MFN1: variants seen among roughly 807,000 people sequenced by gnomAD.
MFN1 encodes the protein mitofusin-1.
Under a neutral mutation model 92.4 loss-of-function variants are expected in MFN1, and 65 were observed. The ratio of observed to expected loss-of-function variants is 0.70; its 90% CI spans 0.58 to 0.86. The LOEUF (loss-of-function observed/expected upper bound fraction) is 0.86. Ranked by LOEUF, MFN1 falls within the 40% of genes least tolerant of loss-of-function variation. The pLI is 0.00. For synonymous variants in MFN1, 297 were observed against 300.9 expected (o/e 0.99, Z 0.13); for missense variants, 781 against 868.0 (o/e 0.90, Z 1.26).
chr3:179,382,974 TG>T lies in MFN1; in HGVS notation c.1663-2594del, dbSNP rs780612657. Among the ~76,000 whole-genome samples the T allele has an allele frequency of 3.9e-5, 6 of 152,246 alleles. No homozygotes were observed. The South Asian group carries it at 6.2e-4, about 16-fold the overall frequency. Reference sequence around the variant, plus strand: ...CTGTAGATTCTCGATATTACCCCTTTGTCAGATGAGTAGATTGCAAAAATTT... The same window carrying T: ...CTGTAGATTCTCGATATTACCCCTTTTCAGATGAGTAGATTGCAAAAATTT... On this transcript the variant is annotated intron_variant, in intron 14 of 17. Coordinates refer to ENST00000471841, the MANE Select transcript of MFN1 (RefSeq NM_033540.3).
At chr3:179,390,912 T>C (rs544226617) in intron 17 of MFN1, among the ~76,000 whole-genome samples, 1 of 152,290 alleles carries the variant, frequency 6.6e-6, no homozygotes, top group Non-Finnish European at 1.5e-5. Flanking sequence ...AAAACATCCA[T>C]AGTAGTGATT....
intron 5 of MFN1, 54 bp from the exon 6 acceptor site, chr3:179,364,243 A>C (rs1712694032): frequency 8.0e-7 from 1 of 1,251,898 alleles, no homozygotes; most frequent in South Asian, 1.7e-5. Flanking sequence ...AAATTCTGTA[A>C]CCCAAATTTT....
intron 16 of MFN1, 127 bp downstream of exon 16, chr3:179,386,756 A>G (rs535104820): frequency 2.7e-4 from 228 of 845,958 alleles, no homozygotes; most frequent in African/African-American, 3.8e-4. Context: ...CGTGATGGCC[A>G]TAAATGAGAA....
intron 2 of MFN1, among the ~76,000 whole-genome samples, chr3:179,349,511 T>TG (rs1712056033): frequency 7.1e-6 from 1 of 141,166 alleles, no homozygotes; most frequent in African/African-American, 2.7e-5. Context: ...AGGGAATACT[T>TG]CTTTTTTTTT....
In MFN1 at chr3:179,377,397, A is replaced by G; in HGVS notation, c.1278A>G (p.Glu426=). 1.9e-6 allele frequency: 3 copies of G among 1,609,788 alleles called. No homozygotes were observed. The highest frequency in any genetic ancestry group is 2.5e-6 in the Non-Finnish European group (3 of 1,178,316). Residue 426 remains glutamate, a synonymous_variant, in exon 12 of 18, where the codon GAA becomes GAG. Coordinates refer to ENST00000471841, the MANE Select transcript of MFN1 (RefSeq NM_033540.3). ...GTCGACTGTCTGTTTTGGTTGATGA[A>G]TTTTGTTCAGAGTTTCATCCTAATC... ...EICRLSVLVD[E]FCSEFHPNPD...
At chr3:179,382,500 T>A in intron 14 of MFN1, among the ~76,000 whole-genome samples, 1 of 152,242 alleles carries the variant, frequency 6.6e-6, no homozygotes, top group African/African-American at 2.4e-5. Flanking sequence ...GTTCCAAGTC[T>A]TTGCTATTAT....
chr3:179,392,143 T>A lies in MFN1; in HGVS notation c.*84T>A. 2 of 881,292 alleles carry A rather than the reference T, an allele frequency of 2.3e-6. No individual in the cohort carries two copies. Among genetic ancestry groups the A allele is most frequent in the South Asian group, 1.5e-5 (1 of 65,714 alleles). 54.6% of individuals were successfully genotyped at this position (881,292 alleles called of 1,614,324 possible). A position where few individuals can be genotyped will look rare whatever the true frequency, so the allele number is the denominator to read the frequency against. ...AGTTGTTATTTTTATGAAATTACTT[T>A]AAATATGAATTGTACTAACTGTACC... On this transcript the variant is annotated 3_prime_UTR_variant, in exon 18 of 18. Transcript: ENST00000471841.
intron 14 of MFN1, among the ~76,000 whole-genome samples, chr3:179,383,739 T>G (rs1463151310): frequency 1.3e-5 from 2 of 152,160 alleles, no homozygotes; most frequent in Non-Finnish European, 2.9e-5. Flanking sequence ...CATTCACAAT[T>G]GCTTCGAAGA....
intron 15 of MFN1, among the ~76,000 whole-genome samples, 164 bp downstream of exon 15, chr3:179,385,885 A>G (rs113363367): frequency 2.6e-5 from 4 of 152,338 alleles, no homozygotes; most frequent in African/African-American, 9.6e-5. Context: ...CACAAGTTTC[A>G]TCTTAAATTT....
intron 14 of MFN1, among the ~76,000 whole-genome samples, chr3:179,382,292 A>T (rs915342226): frequency 2.6e-5 from 4 of 152,006 alleles, no homozygotes; most frequent in African/African-American, 9.7e-5. Context: ...TCATTGTTCA[A>T]TTCCCACCTA....
At chr3:179,361,405 G>A (rs1481389232) in intron 4 of MFN1, among the ~76,000 whole-genome samples, 4 of 152,146 alleles carry the variant, frequency 2.6e-5, no homozygotes, top group African/African-American at 4.8e-5. Context: ...AACTGAGCCC[G>A]TCACCCAAAT....
intron 3 of MFN1, 88 bp downstream of exon 3, chr3:179,352,123 C>G: frequency 7.3e-7 from 1 of 1,360,830 alleles, no homozygotes; most frequent in Non-Finnish European, 9.9e-7. Context: ...TCCCATCCTC[C>G]CCCAGCCCCG....
rs756781560 is a variant in MFN1 at position 179,351,916 on chromosome 3, G to A, written c.129G>A (p.Pro43=). 6.9e-6 allele frequency: 11 copies of A among 1,601,964 alleles called. No homozygotes were observed. Among genetic ancestry groups the A allele is most frequent in the South Asian group, 4.5e-5 (4 of 89,114 alleles). Residue 43 remains proline (P), a synonymous_variant, in exon 3 of 18, where the codon CCG becomes CCA. Coordinates refer to ENST00000471841, the MANE Select transcript of MFN1 (RefSeq NM_033540.3). ...SHFVEATYKN[P]ELDRIATEDD... ...ATTTTGCAGCAACATATAAGAATCCGGAACTTGATCGAATAGCCACTGAAG... is the reference window on the plus strand; with the variant it reads ...ATTTTGCAGCAACATATAAGAATCCAGAACTTGATCGAATAGCCACTGAAG...
At chr3:179,359,261 C>T (rs1418146031) in intron 4 of MFN1, among the ~76,000 whole-genome samples, 4 of 151,950 alleles carry the variant, frequency 2.6e-5, no homozygotes, top group African/African-American at 9.7e-5. Context: ...GCTGGGACTA[C>T]AGGCGTGCGC....
At chr3:179,357,313 C>A (rs1712384538) in intron 3 of MFN1, among the ~76,000 whole-genome samples, 1 of 152,178 alleles carries the variant, frequency 6.6e-6, no homozygotes, top group African/African-American at 2.4e-5. Context: ...TCTGTCCAGA[C>A]CCCGGCATGT....
In MFN1 at chr3:179,352,434, T is replaced by G. The variant is rs983561765; in HGVS notation, c.248+399T>G. 2.7e-4 allele frequency among the ~76,000 whole-genome samples: 41 copies of G among 152,360 alleles called. No individual in the cohort carries two copies. The South Asian group carries it at 8.5e-3, about 32-fold the overall frequency. On this transcript the variant is annotated intron_variant, in intron 3 of 17. Transcript: ENST00000471841. The stretch of plus-strand genomic sequence containing the variant: ...GAAGGAAAGAGGCTCTTGTCTGAGA[T>G]AACTATTTCCAAGGACTTTCTAGAA...
At chr3:179,362,566 T>C in intron 5 of MFN1, 84 bp downstream of exon 5, 1 of 1,263,320 alleles carries the variant, frequency 7.9e-7, no homozygotes, top group South Asian at 2.1e-5. Context: ...GTATAAAAAA[T>C]TACAACATTC....
chr3:179,384,726 G>C (rs75806208), intron 14 of MFN1, among the ~76,000 whole-genome samples: 2 of 152,114 alleles, frequency 1.3e-5, no homozygotes, highest in Non-Finnish European at 2.9e-5. Flanking sequence ...GTAGACACAA[G>C]GTCTCACTGT....
intron 9 of MFN1, among the ~76,000 whole-genome samples, chr3:179,372,654 AT>A (rs1181744671): frequency 6.6e-6 from 1 of 152,150 alleles, no homozygotes; most frequent in African/African-American, 2.4e-5. Flanking sequence ...ATCATTATAT[AT>A]TTTTGAATCA....
Sources: gnomAD v4.1 joint callset for allele counts (sites outside exome capture counted in the v4.1 genomes callset) on GRCh38, gnomAD v4.1.1 for gene constraint, MANE v1.5 for transcripts, NCBI Gene and HGNC (gene_info 2026-07-23, HGNC 2026-07-21) for gene names.